The following NYAP2 variants were observed in gnomAD, a reference collection of about 807,000 sequenced individuals.
NYAP2 encodes neuronal tyrosine-phosphorylated phosphoinositide-3-kinase adaptor 2.
In NYAP2, 23 loss-of-function variants were observed where a neutral mutation model predicts 50.4. The ratio of observed to expected loss-of-function variants is 0.46; its 90% CI spans 0.33 to 0.65. NYAP2 has a LOEUF of 0.65. Among genes scored for constraint, NYAP2 ranks in the 30% least tolerant of loss-of-function variants. The probability of loss-of-function intolerance (pLI) is 0.02; values close to 1 mark genes in which losing one functional copy is unlikely to be tolerated. For missense variants in NYAP2, 885 were observed against 861.0 expected (o/e 1.03, Z -0.35); for synonymous variants, 394 against 365.2 (o/e 1.08, Z -0.90).
At chr2:225,513,099 T>C (rs1201199146) in intron 3 of NYAP2, among the ~76,000 whole-genome samples, 1 of 152,134 alleles carries the variant, frequency 6.6e-6, no homozygotes, top group South Asian at 2.1e-4. Flanking sequence ...TTGTTTACAT[T>C]TTAAGCCACT....
intron 4 of NYAP2, among the ~76,000 whole-genome samples, chr2:225,538,542 C>CT (rs1304311985): frequency 2.0e-5 from 3 of 152,164 alleles, no homozygotes; most frequent in Non-Finnish European, 4.4e-5. Context: ...CACCAAGTCC[C>CT]TAGGCTGCAC....
At chr2:225,453,375 C>T (rs567943281) in intron 3 of NYAP2, among the ~76,000 whole-genome samples, 10 of 152,248 alleles carry the variant, frequency 6.6e-5, no homozygotes, top group African/African-American at 1.9e-4. Context: ...AGATCTAATT[C>T]AAGGGGATTG....
chr2:225,487,421 A>G lies in NYAP2; in HGVS notation c.222-25950A>G, dbSNP rs533675278. ...GTCACCCAGGCTGGAGTGCAGTGGC[A>G]CAATCTTGGCTCACTGCAACTTCCG... is the stretch of plus-strand genomic sequence containing the variant. On this transcript the variant is annotated intron_variant, in intron 3 of 6. Transcript: ENST00000636099. Among the ~76,000 whole-genome samples the G allele has an allele frequency of 5.3e-5, 8 of 151,540 alleles. No individual in the cohort carries two copies. In the East Asian group the frequency reaches 1.6e-3, roughly 29 times the overall value.
At chr2:225,459,827 C>T (rs2106153076) in intron 3 of NYAP2, among the ~76,000 whole-genome samples, 1 of 152,094 alleles carries the variant, frequency 6.6e-6, no homozygotes, top group Admixed American at 6.5e-5. Context: ...CACCCGCCAC[C>T]ACGCCTGGCT....
chr2:225,419,355 T>C (rs908339567), intron 3 of NYAP2, among the ~76,000 whole-genome samples: 3 of 152,248 alleles, frequency 2.0e-5, no homozygotes, highest in African/African-American at 7.2e-5. Flanking sequence ...AATTAGTTGA[T>C]GCACATTGGG....
chr2:225,411,609 T>C (rs1411576258), intron 3 of NYAP2, among the ~76,000 whole-genome samples: 1 of 146,482 alleles, frequency 6.8e-6, no homozygotes, highest in Non-Finnish European at 1.5e-5. Context: ...ATAGAGATGA[T>C]AAAAAAAAAA....
chr2:225,468,264 G>A (rs1439498095), intron 3 of NYAP2, among the ~76,000 whole-genome samples: 5 of 152,170 alleles, frequency 3.3e-5, no homozygotes, highest in South Asian at 2.1e-4. Context: ...AGACAGACAC[G>A]AAGAGGAAAA....
intron 5 of NYAP2, among the ~76,000 whole-genome samples, 199 bp downstream of exon 5, chr2:225,583,234 C>G (rs914016786): frequency 3.3e-5 from 5 of 152,128 alleles, no homozygotes; most frequent in African/African-American, 1.2e-4. Flanking sequence ...TTAAAAATGG[C>G]AGTCTGCAAA....
At chr2:225,676,048 T>C in the NYAP2 span, among the ~76,000 whole-genome samples, 1 of 152,170 alleles carries the variant, frequency 6.6e-6, no homozygotes, top group African/African-American at 2.4e-5. Context: ...AGATTCTGGA[T>C]ATTAGACCTT....
intron 5 of NYAP2, among the ~76,000 whole-genome samples, chr2:225,601,362 G>A (rs1188134994): frequency 5.9e-5 from 9 of 151,896 alleles, no homozygotes; most frequent in Admixed American, 4.6e-4. Context: ...CTTGGGTCTC[G>A]ATCTCTTGAC....
chr2:225,419,141 T>G (rs1273510329), intron 3 of NYAP2, among the ~76,000 whole-genome samples: 1 of 152,166 alleles, frequency 6.6e-6, no homozygotes, highest in East Asian at 1.9e-4. Flanking sequence ...AGCTATATGA[T>G]CCACACACTC....
intron 4 of NYAP2, among the ~76,000 whole-genome samples, chr2:225,549,759 A>G (rs1468270547): frequency 6.6e-6 from 1 of 152,118 alleles, no homozygotes; most frequent in East Asian, 1.9e-4. Flanking sequence ...ACGTGGGTGG[A>G]TCACCTGAGG....
At chr2:225,511,410 A>G (rs561499511) in intron 3 of NYAP2, among the ~76,000 whole-genome samples, 1 of 151,736 alleles carries the variant, frequency 6.6e-6, no homozygotes, top group South Asian at 2.1e-4. Flanking sequence ...ACACATAAAA[A>G]CACTGCACTG....
At chr2:225,442,428 C>T (rs1420757645) in intron 3 of NYAP2, among the ~76,000 whole-genome samples, 1 of 152,160 alleles carries the variant, frequency 6.6e-6, no homozygotes, top group Non-Finnish European at 1.5e-5. Flanking sequence ...TTTTGAATCA[C>T]TGATGAAGAA....
exon 6 of NYAP2, chr2:225,627,117 C>T: frequency 1.3e-6 from 2 of 1,584,030 alleles, no homozygotes; most frequent in Non-Finnish European, 1.7e-6. Context: ...AGCGGGAAAC[C>T]ACAGTTCAGG....
At chr2:225,677,672 C>T in the NYAP2 span, among the ~76,000 whole-genome samples, 17 of 151,922 alleles carry the variant, frequency 1.1e-4, no homozygotes, top group South Asian at 2.1e-4. Context: ...TTGAGATGAG[C>T]ATATGGTTTT....
At chr2:225,653,040 T>C (rs1257130992) in exon 7 of NYAP2, 1 of 152,058 alleles carries the variant, frequency 6.6e-6, no homozygotes, top group Non-Finnish European at 1.5e-5. Context: ...TCAAACACTT[T>C]TTGGATATAA....
intron 2 of NYAP2, among the ~76,000 whole-genome samples, chr2:225,401,547 T>C (rs1694862954): frequency 6.6e-6 from 1 of 152,028 alleles, no homozygotes; most frequent in Non-Finnish European, 1.5e-5. Context: ...TCCTGACTGA[T>C]TAGACATAAA....
chr2:225,642,083 A>T (rs1030655713), intron 6 of NYAP2, among the ~76,000 whole-genome samples: 1 of 152,188 alleles, frequency 6.6e-6, no homozygotes, highest in Non-Finnish European at 1.5e-5. Flanking sequence ...GCTTTCAAAG[A>T]GCATGGAGCT....
Sources: allele counts gnomAD v4.1 joint callset (sites outside exome capture counted in the v4.1 genomes callset), GRCh38; gene constraint gnomAD v4.1.1; transcripts MANE v1.5; gene names NCBI Gene and HGNC (gene_info 2026-07-23, HGNC 2026-07-21).